The following NOVA1 variants were observed in gnomAD, a reference collection of about 807,000 sequenced individuals.
The protein encoded by NOVA1 is NOVA alternative splicing regulator 1.
In NOVA1, 7 loss-of-function variants were observed where a neutral mutation model predicts 38.0. That is an observed-to-expected ratio of 0.18 (90% CI 0.10 to 0.35). The LOEUF (loss-of-function observed/expected upper bound fraction) is 0.35, where lower values mean the gene tolerates loss of function less well. NOVA1 is among the 10% of genes least tolerant of loss of function. The pLI, the probability that NOVA1 is intolerant of heterozygous loss-of-function variation, is 1.00. For synonymous variants in NOVA1, 270 were observed against 232.5 expected, an observed-to-expected ratio of 1.16 and a Z score of -1.47; for missense variants, 460 against 616.0, an observed-to-expected ratio of 0.75 and a Z score of 2.68.
chr14:26,520,673 A>G (rs1368449501), intron 2 of NOVA1, among the ~76,000 whole-genome samples: 1 of 152,162 alleles, frequency 6.6e-6, no homozygotes, highest in East Asian at 1.9e-4. Context: ...ATTGCAAAGC[A>G]CTTGTGAGTA....
chr14:26,581,458 T>C lies in NOVA1; in HGVS notation c.280+13952A>G, dbSNP rs150218352. Among the ~76,000 whole-genome samples, 270 of 152,186 alleles carry C rather than the reference T, an allele frequency of 1.8e-3. 1 individual carries two copies. The highest frequency in any genetic ancestry group is 6.2e-3 in the African/African-American group (258 of 41,558). On this transcript the variant is annotated intron_variant, in intron 2 of 4. Transcript: ENST00000539517. ...ATGAAGGCAATTGAATCATTTCATG[T>C]AAACAATCTCAAAGTTTACATTTCA... is the stretch of plus-strand genomic sequence containing the variant.
At chr14:26,490,890 C>T (rs1206866341) in intron 2 of NOVA1, among the ~76,000 whole-genome samples, 1 of 147,212 alleles carries the variant, frequency 6.8e-6, no homozygotes, top group Non-Finnish European at 1.5e-5. Context: ...CGCTCTGTCG[C>T]CCAGGCTGGA....
chr14:26,489,798 T>C (rs1374524426), intron 2 of NOVA1, among the ~76,000 whole-genome samples: 9 of 152,084 alleles, frequency 5.9e-5, no homozygotes, highest in Non-Finnish European at 1.5e-5. Flanking sequence ...ATCATGCCAC[T>C]GCACTCCAGC....
intron 1 of NOVA1, 139 bp from the exon 2 acceptor site, chr14:26,595,692 G>T: frequency 1.5e-6 from 1 of 667,960 alleles, no homozygotes; most frequent in Non-Finnish European, 2.4e-6. Context: ...CATTTTTTGA[G>T]AATGAAAATA....
At chr14:26,494,164 T>C (rs996239659) in intron 2 of NOVA1, among the ~76,000 whole-genome samples, 1 of 152,220 alleles carries the variant, frequency 6.6e-6, no homozygotes, top group Non-Finnish European at 1.5e-5. Context: ...TTCATAGTGC[T>C]CTTGGTTACC....
chr14:26,518,660 C>T (rs1425133559), intron 2 of NOVA1, among the ~76,000 whole-genome samples: 1 of 151,942 alleles, frequency 6.6e-6, no homozygotes. Flanking sequence ...TGAGAATATT[C>T]GAAATCCTCT....
At chr14:26,523,748 ATTTTT>A (rs1182238464) in intron 2 of NOVA1, among the ~76,000 whole-genome samples, 1 of 108,638 alleles carries the variant, frequency 9.2e-6, no homozygotes, top group Non-Finnish European at 1.9e-5. Flanking sequence ...CCACTTGAAG[ATTTTT>A]TTTTTTTTTT....
At chr14:26,528,325 A>G (rs1428240745) in intron 2 of NOVA1, among the ~76,000 whole-genome samples, 1 of 152,120 alleles carries the variant, frequency 6.6e-6, no homozygotes, top group Non-Finnish European at 1.5e-5. Context: ...CACAACTCCT[A>G]TGGTATCTCC....
At chr14:26,519,472 A>G (rs1888715452) in intron 2 of NOVA1, 1 of 152,170 alleles carries the variant, frequency 6.6e-6, no homozygotes, top group Non-Finnish European at 1.5e-5. Context: ...GAAATTCATA[A>G]AAAGGATTCC....
intron 2 of NOVA1, among the ~76,000 whole-genome samples, chr14:26,533,174 G>A (rs1490502165): frequency 6.6e-6 from 1 of 152,142 alleles, no homozygotes; most frequent in African/African-American, 2.4e-5. Context: ...GTTAGAAGTC[G>A]TCTTGACTTC....
intron 2 of NOVA1, among the ~76,000 whole-genome samples, chr14:26,557,528 ATTTTTT>A (rs375431107): frequency 7.1e-6 from 1 of 141,082 alleles, no homozygotes; most frequent in Non-Finnish European, 1.5e-5. Context: ...TGACTGGCTA[ATTTTTT>A]TTTTTTTTTT....
chr14:26,490,616 T>C (rs1163907538), intron 2 of NOVA1, among the ~76,000 whole-genome samples: 1 of 152,216 alleles, frequency 6.6e-6, no homozygotes, highest in Non-Finnish European at 1.5e-5. Flanking sequence ...ACGTGCTTAC[T>C]GTTCATTTGT....
At chr14:26,552,574 T>C (rs1294169822) in intron 2 of NOVA1, among the ~76,000 whole-genome samples, 140 of 152,100 alleles carry the variant, frequency 9.2e-4, no homozygotes, top group Non-Finnish European at 8.8e-5. Flanking sequence ...TTAATTCATT[T>C]ATTCACTCAA....
chr14:26,487,096 T>G (rs1885976777), intron 2 of NOVA1, among the ~76,000 whole-genome samples: 1 of 152,132 alleles, frequency 6.6e-6, no homozygotes. Flanking sequence ...AAAAGTCTCA[T>G]TTATGAGTAT....
Position 26,463,381 on chromosome 14 carries a change from A to C in NOVA1, c.519+8939T>G, listed in dbSNP as rs1857305046. Among the ~76,000 whole-genome samples the C allele has an allele frequency of 2.0e-5, 3 of 152,182 alleles. No homozygotes were observed. The South Asian group carries it at 6.2e-4, about 32-fold the overall frequency. ...TCTGATATGTGTATTATACACAAACATAAAGTTTTGTCTATCTGATATAAA... is the reference window on the plus strand; with the variant it reads ...TCTGATATGTGTATTATACACAAACCTAAAGTTTTGTCTATCTGATATAAA... On this transcript the variant is annotated intron_variant, in intron 4 of 4. Transcript: ENST00000539517.
At chr14:26,570,429 C>T (rs1221068700) in intron 2 of NOVA1, among the ~76,000 whole-genome samples, 3 of 151,448 alleles carry the variant, frequency 2.0e-5, no homozygotes, top group Non-Finnish European at 4.4e-5. Flanking sequence ...CCATCCTCAA[C>T]TGCTGTGGTT....
At chr14:26,485,586 T>C (rs545556215) in intron 2 of NOVA1, among the ~76,000 whole-genome samples, 5 of 152,226 alleles carry the variant, frequency 3.3e-5, no homozygotes, top group Admixed American at 6.5e-5. Context: ...TAAAGTGCTA[T>C]AAAAAACTGT....
At chr14:26,490,219 G>T (rs796602066) in intron 2 of NOVA1, among the ~76,000 whole-genome samples, 8 of 152,264 alleles carry the variant, frequency 5.3e-5, no homozygotes, top group African/African-American at 1.9e-4. Context: ...ATATTCCATT[G>T]CATGTTACAT....
chr14:26,516,393 T>TA (rs1888465637), intron 2 of NOVA1, among the ~76,000 whole-genome samples: 1 of 152,152 alleles, frequency 6.6e-6, no homozygotes, highest in African/African-American at 2.4e-5. Flanking sequence ...TTTTTCCCCT[T>TA]TATGGTTAGA....
Sources: allele counts gnomAD v4.1 joint callset (sites outside exome capture counted in the v4.1 genomes callset), GRCh38; gene constraint gnomAD v4.1.1; transcripts MANE v1.5; gene names NCBI Gene and HGNC (gene_info 2026-07-23, HGNC 2026-07-21).